Variants in HPS3 observed in about 807,000 individuals in gnomAD.
HPS3 encodes BLOC-2 complex member HPS3.
A neutral mutation model predicts 110.9 loss-of-function variants in HPS3; 79 were observed. The observed-to-expected ratio is 0.71, with a 90% CI of 0.59 to 0.86. HPS3 has a LOEUF of 0.86. HPS3 is among the 40% of genes least tolerant of loss of function. HPS3 has a pLI of 0.00. For missense variants in HPS3, 1,197 were observed against 1,206.2 expected, an observed-to-expected ratio of 0.99 and a Z score of 0.11; for synonymous variants, 428 against 451.0, an observed-to-expected ratio of 0.95 and a Z score of 0.65.
rs1559931139 is a variant in HPS3 at position 149,172,317 on chromosome 3, A to AACACACACAC, written c.*95_*96insACACACACAC. The AACACACACAC allele has an allele frequency of 9.4e-6, 6 of 640,854 alleles. No homozygotes were observed. The highest frequency in any genetic ancestry group is 5.6e-5 in the African/African-American group (2 of 35,918). 39.7% of individuals were successfully genotyped at this position (640,854 alleles called of 1,614,324 possible). On this transcript the variant is annotated 3_prime_UTR_variant, in exon 17 of 17. Coordinates refer to ENST00000296051, the MANE Select transcript of HPS3 (RefSeq NM_032383.5). ...AGTAGAGGAGTTTTTTATTTTATAT[A>AACACACACAC]TCACACACACACACACACACACACA...
chr3:149,172,274 A>C lies in HPS3; in HGVS notation c.*52A>C. 1.3e-6 allele frequency: 2 copies of C among 1,520,960 alleles called. No homozygotes were observed. The highest frequency in any genetic ancestry group is 1.8e-6 in the Non-Finnish European group (2 of 1,103,818). 94.2% of individuals were successfully genotyped at this position (1,520,960 alleles called of 1,614,324 possible). On this transcript the variant is annotated 3_prime_UTR_variant, in exon 17 of 17. Transcript: ENST00000296051. The stretch of plus-strand genomic sequence containing the variant: ...GGCATTTGAGACTGAATTTCTAAAA[A>C]TTGAATGCCAAAGTACAAGTAGAGG...
At chr3:149,162,048 TA>T in intron 11 of HPS3, 99 bp from the exon 12 acceptor site, 1 of 942,468 alleles carries the variant, frequency 1.1e-6, no homozygotes, top group South Asian at 1.4e-5. Context: ...ATTAATAGCT[TA>T]ACCATGCATT....
chr3:149,136,378 A>G (rs1576661475), intron 1 of HPS3, among the ~76,000 whole-genome samples: 1 of 152,256 alleles, frequency 6.6e-6, no homozygotes, highest in East Asian at 1.9e-4. Context: ...AAAAAAGGTA[A>G]AATGAGGCAC....
chr3:149,146,730 T>C (rs1341592558), intron 5 of HPS3, among the ~76,000 whole-genome samples: 4 of 152,214 alleles, frequency 2.6e-5, no homozygotes, highest in Non-Finnish European at 5.9e-5. Context: ...AGTGTGTTTC[T>C]TAAGTGAACA....
chr3:149,145,926 G>T (rs1210819843), intron 5 of HPS3, among the ~76,000 whole-genome samples: 4 of 151,990 alleles, frequency 2.6e-5, no homozygotes, highest in Non-Finnish European at 4.4e-5. Context: ...AGTATAAATT[G>T]AGTTATTTAT....
intron 1 of HPS3, among the ~76,000 whole-genome samples, chr3:149,135,977 C>T (rs1007003198): frequency 1.4e-4 from 21 of 152,056 alleles, no homozygotes; most frequent in African/African-American, 5.1e-4. Flanking sequence ...GGAGTACAGC[C>T]TTTGATCTGG....
In HPS3 at chr3:149,160,071, T is replaced by C. The variant is rs762791698; in HGVS notation, c.1898T>C (p.Met633Thr). The C allele has an allele frequency of 6.2e-6, 10 of 1,613,836 alleles. No homozygotes were observed. The Admixed American group carries it at 1.2e-4, about 19-fold the overall frequency. ...NEELAAKVVQ[M>T]FYVAEPKQVP... The stretch of plus-strand genomic sequence containing the variant: ...GAATTAGCAGCAAAAGTGGTTCAGA[T>C]GTTTTATGTGGCTGAGCCAAAGCAA... The change falls in exon 11 of 17, where the codon ATG (methionine) becomes ACG (threonine). Residue 633 changes from methionine to threonine, a missense_variant. By Grantham distance (81) the Met-to-Thr change is moderately conservative (BLOSUM62 -1). Transcript: ENST00000296051.
At chr3:149,142,020 T>G (rs1262971766) in intron 4 of HPS3, among the ~76,000 whole-genome samples, 1 of 151,920 alleles carries the variant, frequency 6.6e-6, no homozygotes, top group African/African-American at 2.4e-5. Context: ...CCAGCTAATT[T>G]TGTATTTTTA....
chr3:149,165,448 G>A (rs1724319113), intron 14 of HPS3, among the ~76,000 whole-genome samples: 1 of 151,756 alleles, frequency 6.6e-6, no homozygotes, highest in Non-Finnish European at 1.5e-5. Context: ...AATCTTTGCT[G>A]TTGAAGGAGA....
chr3:149,162,971 C>CTGGTAATAGAAAACTAGGT, intron 13 of HPS3, 93 bp downstream of exon 13: 1 of 1,087,704 alleles, frequency 9.2e-7, no homozygotes, highest in Non-Finnish European at 1.4e-6. Flanking sequence ...AAAATCTAAC[C>CTGGTAATAGAAAACTAGGT]TAGTTTTCTA....
At chr3:149,143,343 G>A (rs1434967679) in intron 4 of HPS3, among the ~76,000 whole-genome samples, 1 of 152,166 alleles carries the variant, frequency 6.6e-6, no homozygotes, top group Non-Finnish European at 1.5e-5. Context: ...AGCCTTGTGT[G>A]ACTGGTGCAT....
At chr3:149,141,529 T>G (rs1722457613) in intron 4 of HPS3, 149 bp downstream of exon 4, 1 of 573,022 alleles carries the variant, frequency 1.7e-6, no homozygotes, top group African/African-American at 2.2e-5. Flanking sequence ...GTTTTTTTTT[T>G]TGTTTTTTTT....
intron 16 of HPS3, 151 bp from the exon 17 acceptor site, chr3:149,171,944 A>G (rs1725035640): frequency 1.7e-6 from 1 of 595,076 alleles, no homozygotes; most frequent in Non-Finnish European, 3.0e-6. Context: ...TGACCTCGTG[A>G]TCTGCCCACC....
chr3:149,171,861 T>C (rs1725022101), intron 16 of HPS3, among the ~76,000 whole-genome samples: 2 of 152,000 alleles, frequency 1.3e-5, no homozygotes, highest in African/African-American at 4.8e-5. Context: ...TGCGCCACCA[T>C]GCCCGGCTAA....
At chr3:149,133,793 TG>T (rs1240841252) in intron 1 of HPS3, among the ~76,000 whole-genome samples, 1 of 151,550 alleles carries the variant, frequency 6.6e-6, no homozygotes, top group Admixed American at 6.6e-5. Context: ...TACATTGCTT[TG>T]TTTTTTTGTT....
At position 149,163,840 on chromosome 3, in the gene HPS3, A is replaced by G. The variant is rs397507168; in HGVS notation, c.2482-2A>G. On this transcript the variant is annotated splice_acceptor_variant, in intron 13 of 16. Coordinates refer to ENST00000296051, the MANE Select transcript of HPS3 (RefSeq NM_032383.5). LOFTEE classifies it high-confidence loss of function. ...TTTATGAGAAATTCTTTTATGTTTT[A>G]GATAAATGCCTGTAGTCATTATGGC... is the stretch of plus-strand genomic sequence containing the variant. The G allele has an allele frequency of 6.8e-6, 10 of 1,463,988 alleles. No homozygotes were observed. The highest frequency in any genetic ancestry group is 8.6e-6 in the Non-Finnish European group (9 of 1,042,988). 90.7% of individuals were successfully genotyped at this position (1,463,988 alleles called of 1,614,324 possible). A position where few individuals can be genotyped will look rare whatever the true frequency, so the allele number is the denominator to read the frequency against.
chr3:149,147,182 T>G (rs531886189), intron 5 of HPS3, among the ~76,000 whole-genome samples: 1 of 152,166 alleles, frequency 6.6e-6, no homozygotes, highest in African/African-American at 2.4e-5. Context: ...TGGAGGCTGG[T>G]GAAATGTGGG....
chr3:149,130,009 G>C (rs2108112676), intron 1 of HPS3, 69 bp downstream of exon 1: 2 of 1,403,200 alleles, frequency 1.4e-6, no homozygotes, highest in East Asian at 2.5e-5. Context: ...CGGACCGAAC[G>C]TCTGGGCTGT....
chr3:149,154,173 A>G (rs899084809), intron 7 of HPS3: 1 of 155,476 alleles, frequency 6.4e-6, no homozygotes, highest in Non-Finnish European at 1.4e-5. Flanking sequence ...CTGCTTTCCC[A>G]TTGTTTAGAA....
Sources: allele counts gnomAD v4.1 joint callset (sites outside exome capture counted in the v4.1 genomes callset), GRCh38; gene constraint gnomAD v4.1.1; transcripts MANE v1.5; gene names NCBI Gene and HGNC (gene_info 2026-07-23, HGNC 2026-07-21).